Variants in SOX6 observed in about 807,000 individuals in gnomAD.
The protein encoded by SOX6 is transcription factor SOX-6.
In SOX6, 11 loss-of-function variants were observed where a neutral mutation model predicts 97.8. The ratio of observed to expected loss-of-function variants is 0.11; its 90% confidence interval spans 0.07 to 0.19. The LOEUF is 0.19. Among genes scored for constraint, SOX6 ranks in the 10% least tolerant of loss-of-function variants. The pLI is 1.00. For missense variants in SOX6, 810 were observed against 1,039.5 expected (o/e 0.78, Z 3.04); for synonymous variants, 360 against 371.4 (o/e 0.97, Z 0.35).
At chr11:16,266,402 G>C (rs1183708662) in intron 3 of SOX6, among the ~76,000 whole-genome samples, 1 of 151,550 alleles carries the variant, frequency 6.6e-6, no homozygotes, top group Non-Finnish European at 1.5e-5. Context: ...ATCACCAGCA[G>C]ATCTGGACTG....
At chr11:16,736,500 T>C (rs1848392364) in intron 1 of SOX6, 1 of 152,250 alleles carries the variant, frequency 6.6e-6, no homozygotes, top group Non-Finnish European at 1.5e-5. Flanking sequence ...GACATGTTGC[T>C]AGCTCATTAA....
At chr11:16,240,372 G>A (rs1423847150) in intron 3 of SOX6, among the ~76,000 whole-genome samples, 2 of 149,380 alleles carry the variant, frequency 1.3e-5, no homozygotes, top group African/African-American at 4.9e-5. Flanking sequence ...ATTTTGGAAT[G>A]CTCATAAGGA....
intron 4 of SOX6, among the ~76,000 whole-genome samples, chr11:16,589,144 A>G (rs2133971606): frequency 6.6e-6 from 1 of 152,324 alleles, no homozygotes; most frequent in Non-Finnish European, 1.5e-5. Context: ...CAGAGGGACT[A>G]TGTCCCAGAA....
At chr11:16,429,925 C>T (rs1028429698) in intron 1 of SOX6, among the ~76,000 whole-genome samples, 1 of 152,156 alleles carries the variant, frequency 6.6e-6, no homozygotes, top group Non-Finnish European at 1.5e-5. Flanking sequence ...TCTGCTATGT[C>T]TTAGTAATCT....
intron 4 of SOX6, among the ~76,000 whole-genome samples, chr11:16,571,996 T>C (rs1847944823): frequency 6.6e-6 from 1 of 152,218 alleles, no homozygotes; most frequent in African/African-American, 2.4e-5. Flanking sequence ...GAATATATTA[T>C]GGATTACTTT....
intron 12 of SOX6, among the ~76,000 whole-genome samples, chr11:16,038,691 C>T (rs1478983317): frequency 6.6e-6 from 1 of 151,950 alleles, no homozygotes; most frequent in East Asian, 1.9e-4. Flanking sequence ...TAATACTATG[C>T]TTTGTATATA....
chr11:16,280,705 C>A (rs548027503), intron 3 of SOX6, among the ~76,000 whole-genome samples: 33 of 152,132 alleles, frequency 2.2e-4, no homozygotes, highest in Non-Finnish European at 8.8e-5. Flanking sequence ...ACTAATGGCA[C>A]CAGTAGTTAA....
At chr11:16,093,752 G>T (rs192283230) in intron 9 of SOX6, among the ~76,000 whole-genome samples, 9 of 152,004 alleles carry the variant, frequency 5.9e-5, no homozygotes, top group Non-Finnish European at 1.3e-4. Flanking sequence ...GCTTATCAAA[G>T]GAGGGGAGAA....
In SOX6 at chr11:16,246,514, A is replaced by C. The variant is rs1012155175; in HGVS notation, c.446-11843T>G. On this transcript the variant is annotated intron_variant, in intron 3 of 15. Coordinates refer to ENST00000683767, the MANE Select transcript of SOX6 (RefSeq NM_001367873.1). The stretch of plus-strand genomic sequence containing the variant: ...TCAGATGTGAATATTTTTTCTAATT[A>C]TAAAATTGTAGGTTGCAATTTTTTT... Among the ~76,000 whole-genome samples, 11 of 152,056 alleles carry C rather than the reference A, an allele frequency of 7.2e-5. No homozygotes were observed. The South Asian group carries it at 1.4e-3, about 20-fold the overall frequency.
intron 6 of SOX6, among the ~76,000 whole-genome samples, chr11:16,126,755 C>T: frequency 6.6e-6 from 1 of 152,132 alleles, no homozygotes; most frequent in Admixed American, 6.6e-5. Context: ...AAAGCTCTAA[C>T]TGTCTAAAGA....
intron 1 of SOX6, among the ~76,000 whole-genome samples, chr11:16,401,204 C>T (rs150759554): frequency 4.2e-4 from 64 of 151,576 alleles, no homozygotes; most frequent in African/African-American, 1.4e-3. Context: ...ATTATAACAA[C>T]GCATATGAAA....
At chr11:16,491,783 G>GA (rs563206718) in intron 4 of SOX6, among the ~76,000 whole-genome samples, 6 of 152,060 alleles carry the variant, frequency 3.9e-5, no homozygotes, top group African/African-American at 1.2e-4. Flanking sequence ...ACATCTATAT[G>GA]AAAAAACAAA....
intron 1 of SOX6, among the ~76,000 whole-genome samples, chr11:16,346,413 G>A (rs1049058960): frequency 1.3e-5 from 2 of 151,998 alleles, no homozygotes; most frequent in Non-Finnish European, 1.5e-5. Flanking sequence ...TTGGGGAAGG[G>A]AGGATGGCAT....
chr11:16,694,491 C>T (rs1366721934), intron 3 of SOX6, among the ~76,000 whole-genome samples: 1 of 152,140 alleles, frequency 6.6e-6, no homozygotes, highest in Non-Finnish European at 1.5e-5. Flanking sequence ...CCTCTGCACT[C>T]TAGCCTGGGC....
At chr11:16,693,567 T>C (rs998047264) in intron 3 of SOX6, among the ~76,000 whole-genome samples, 7 of 152,256 alleles carry the variant, frequency 4.6e-5, no homozygotes, top group Non-Finnish European at 7.4e-5. Context: ...GCTTTAACTT[T>C]TCATGGAATC....
chr11:16,137,858 G>T (rs1850016393), intron 6 of SOX6, among the ~76,000 whole-genome samples: 1 of 152,108 alleles, frequency 6.6e-6, no homozygotes, highest in Admixed American at 6.6e-5. Context: ...TTTATAAGGA[G>T]CTTCCCCCTT....
intron 9 of SOX6, among the ~76,000 whole-genome samples, chr11:16,083,701 A>C (rs1164277147): frequency 2.0e-5 from 3 of 152,202 alleles, no homozygotes; most frequent in Non-Finnish European, 4.4e-5. Flanking sequence ...AAGTTAATCT[A>C]TCTCTCTAGA....
intron 9 of SOX6, among the ~76,000 whole-genome samples, chr11:16,068,440 T>A (rs1414699055): frequency 6.6e-6 from 1 of 152,164 alleles, no homozygotes; most frequent in Non-Finnish European, 1.5e-5. Flanking sequence ...TTGAAAAAGA[T>A]CACAAATACT....
At chr11:16,708,140 T>C (rs551415014) in intron 3 of SOX6, among the ~76,000 whole-genome samples, 3 of 152,300 alleles carry the variant, frequency 2.0e-5, no homozygotes, top group Middle Eastern at 3.4e-3. Flanking sequence ...TTACCAAATA[T>C]ATTTCCTTTT....
Sources: gnomAD v4.1 joint callset for allele counts (sites outside exome capture counted in the v4.1 genomes callset) on GRCh38, gnomAD v4.1.1 for gene constraint, MANE v1.5 for transcripts, NCBI Gene and HGNC (gene_info 2026-07-23, HGNC 2026-07-21) for gene names.